The following PPP1R14C variants were observed in gnomAD, a reference collection of about 807,000 sequenced individuals.
PPP1R14C encodes protein phosphatase 1 regulatory subunit 14C.
A neutral mutation model predicts 20.4 loss-of-function variants in PPP1R14C; 16 were observed. The observed-to-expected ratio is 0.78, with a 90% CI of 0.53 to 1.19. The LOEUF (loss-of-function observed/expected upper bound fraction) is 1.19. PPP1R14C is among the 50% of genes most tolerant of loss of function. The pLI, the probability that PPP1R14C is intolerant of heterozygous loss-of-function variation, is 0.00. For missense variants in PPP1R14C, 211 were observed against 220.1 expected (o/e 0.96, Z 0.26); for synonymous variants, 91 against 91.0 (o/e 1.00, Z 0.00).
In PPP1R14C at chr6:150,143,335, C is replaced by T; in HGVS notation, c.143C>T (p.Ala48Val). The change falls in exon 1 of 4, where the codon GCG becomes GTG. Residue 48 changes from alanine (A) to valine (V), a missense_variant. Ala to Val is a moderately conservative substitution (Grantham distance 64). Coordinates refer to ENST00000361131, the MANE Select transcript of PPP1R14C (RefSeq NM_030949.3). The surrounding 1 kb of genome is among the most constrained non-coding windows in gnomAD (Gnocchi z 5.6). ...SGSGSSREDSAPVATAAAAGQ... is the reference protein window; with the variant it reads ...SGSGSSREDSVPVATAAAAGQ... ...TCAGGCTCCTCCCGGGAGGACTCGG[C>T]GCCCGTGGCCACGGCGGCCGCTGCA... 6.2e-7 allele frequency: 1 copy of T among 1,603,322 alleles called. No homozygotes were observed. Among genetic ancestry groups the T allele is most frequent in the Non-Finnish European group, 8.5e-7 (1 of 1,176,380 alleles).
Position 150,143,083 on chromosome 6 carries a change from G to T in PPP1R14C, c.-110G>T. On this transcript the variant is annotated 5_prime_UTR_variant, in exon 1 of 4. Coordinates refer to ENST00000361131, the MANE Select transcript of PPP1R14C (RefSeq NM_030949.3). The surrounding 1 kb of genome is among the most constrained non-coding windows in gnomAD (Gnocchi z 5.6). Reference sequence around the variant, plus strand: ...GCTGGGCGCGCGCGGCGCAGAGCAGGTGCCGGGGAGCCCTTCGCATGCGGC... The same window carrying T: ...GCTGGGCGCGCGCGGCGCAGAGCAGTTGCCGGGGAGCCCTTCGCATGCGGC... The T allele has an allele frequency of 9.0e-7, 1 of 1,114,002 alleles. No individual in the cohort carries two copies. The highest frequency in any genetic ancestry group is 1.1e-6 in the Non-Finnish European group (1 of 917,548). The allele number at this position is 1,114,002 out of a possible 1,614,324, so 69.0% of individuals were successfully genotyped here.
intron 3 of PPP1R14C, among the ~76,000 whole-genome samples, chr6:150,219,353 T>C (rs1778138997): frequency 6.6e-6 from 1 of 152,012 alleles, no homozygotes; most frequent in Non-Finnish European, 1.5e-5. Flanking sequence ...TTCAGCCTCC[T>C]GAGTAGCTGG....
chr6:150,240,818 A>G (rs1778423500), intron 3 of PPP1R14C, among the ~76,000 whole-genome samples: 1 of 152,170 alleles, frequency 6.6e-6, no homozygotes, highest in African/African-American at 2.4e-5. Context: ...TCCAGACCCT[A>G]TTCTCCTGCC....
At position 150,248,855 on chromosome 6, in the gene PPP1R14C, G is replaced by C; in HGVS notation, c.*35G>C. ...AGGGTGAAACTCTCCCAGAGACGAA[G>C]AAAGAGTCCTGGGATTTGTACTTCA... On this transcript the variant is annotated 3_prime_UTR_variant, in exon 4 of 4. Coordinates refer to ENST00000361131, the MANE Select transcript of PPP1R14C (RefSeq NM_030949.3). 7.1e-7 allele frequency: 1 copy of C among 1,408,342 alleles called. No homozygotes were observed. The highest frequency in any genetic ancestry group is 2.3e-5 in the East Asian group (1 of 43,810). 87.2% of individuals were successfully genotyped at this position (1,408,342 alleles called of 1,614,324 possible). A position where few individuals can be genotyped will look rare whatever the true frequency, so the allele number is the denominator to read the frequency against.
intron 1 of PPP1R14C, among the ~76,000 whole-genome samples, chr6:150,211,296 G>A (rs1036671053): frequency 3.0e-4 from 45 of 152,334 alleles, no homozygotes; most frequent in African/African-American, 8.9e-4. Flanking sequence ...ACAAATGTAC[G>A]ACAAGAAAGA....
chr6:150,236,410 C>A (rs1190730313), intron 3 of PPP1R14C, among the ~76,000 whole-genome samples: 1 of 152,088 alleles, frequency 6.6e-6, no homozygotes, highest in African/African-American at 2.4e-5. Context: ...AAGGTCCATG[C>A]GGTGCATTCT....
chr6:150,231,083 G>A (rs1039507965), intron 3 of PPP1R14C, among the ~76,000 whole-genome samples: 1 of 152,210 alleles, frequency 6.6e-6, no homozygotes, highest in African/African-American at 2.4e-5. Flanking sequence ...AGGGCGCAGA[G>A]CTCAGAGTAG....
intron 1 of PPP1R14C, among the ~76,000 whole-genome samples, chr6:150,175,077 G>A (rs535725547): frequency 3.3e-5 from 5 of 152,030 alleles, no homozygotes; most frequent in South Asian, 2.1e-4. Flanking sequence ...CATTTAATCC[G>A]TGTTGACCAA....
At chr6:150,236,613 C>CTGTG (rs142109127) in intron 3 of PPP1R14C, among the ~76,000 whole-genome samples, 22,723 of 144,322 alleles carry the variant, frequency 0.16, 1,828 homozygotes, top group East Asian at 0.23. Flanking sequence ...GTTGGTGCCA[C>CTGTG]TGTGTGTGTG....
intron 1 of PPP1R14C, among the ~76,000 whole-genome samples, chr6:150,155,795 C>T (rs1478653587): frequency 2.0e-5 from 3 of 151,766 alleles, no homozygotes; most frequent in Non-Finnish European, 2.9e-5. Context: ...GAGGCTGAGG[C>T]GGGTGGATCA....
At chr6:150,160,271 T>A (rs1201835833) in intron 1 of PPP1R14C, among the ~76,000 whole-genome samples, 1 of 96,654 alleles carries the variant, frequency 1.0e-5, no homozygotes, top group African/African-American at 3.6e-5. Flanking sequence ...TTTTTTTTTT[T>A]TTTTTTTTTT....
At chr6:150,151,255 G>A (rs748432000) in intron 1 of PPP1R14C, among the ~76,000 whole-genome samples, 4 of 152,132 alleles carry the variant, frequency 2.6e-5, no homozygotes, top group Non-Finnish European at 5.9e-5. Flanking sequence ...GTCTGAAAAT[G>A]AGTTTCTCAT....
At chr6:150,241,773 G>A (rs1778433650) in intron 3 of PPP1R14C, among the ~76,000 whole-genome samples, 1 of 152,164 alleles carries the variant, frequency 6.6e-6, no homozygotes, top group African/African-American at 2.4e-5. Context: ...TGTAATCCCA[G>A]CTACTTAGGA....
In PPP1R14C at chr6:150,143,616, T is replaced by C; in HGVS notation, c.306+118T>C. ...ATGTCCCTGACTCCCGGGGACCAAG[T>C]GCCAGGAGCGAGGCGCGGCGCCTTC... On this transcript the variant is annotated intron_variant, in intron 1 of 3. Transcript: ENST00000361131. The surrounding 1 kb of genome is among the most constrained non-coding windows in gnomAD (Gnocchi z 5.6). 5.4e-6 allele frequency: 4 copies of C among 741,636 alleles called. No homozygotes were observed. Among genetic ancestry groups the C allele is most frequent in the Non-Finnish European group, 8.5e-6 (4 of 471,560 alleles). 45.9% of individuals were successfully genotyped at this position (741,636 alleles called of 1,614,324 possible).
chr6:150,208,688 T>C (rs1167032880), intron 1 of PPP1R14C, among the ~76,000 whole-genome samples: 2 of 152,220 alleles, frequency 1.3e-5, no homozygotes, highest in Non-Finnish European at 2.9e-5. Context: ...TCTCTCAGTG[T>C]CCTTTGAGTG....
At position 150,156,776 on chromosome 6, in the gene PPP1R14C, A is replaced by G. The variant is rs77365613; in HGVS notation, c.306+13278A>G. On this transcript the variant is annotated intron_variant, in intron 1 of 3. Transcript: ENST00000361131. ...TTAAAACTAAAAAACAACACGTACT[A>G]TCTCTGTTAGACAAGTGCCTTTTGT... Among the ~76,000 whole-genome samples the G allele has an allele frequency of 4.9e-3, 754 of 152,364 alleles. 4 individuals are homozygous for G. The highest frequency in any genetic ancestry group is 0.014 in the Middle Eastern group (4 of 294).
At chr6:150,148,402 A>G (rs1777202661) in intron 1 of PPP1R14C, among the ~76,000 whole-genome samples, 1 of 152,244 alleles carries the variant, frequency 6.6e-6, no homozygotes, top group Non-Finnish European at 1.5e-5. Context: ...GAGACAGGGC[A>G]GAGCCTGGCA....
Position 150,144,709 on chromosome 6 carries a change from T to C in PPP1R14C, c.306+1211T>C, listed in dbSNP as rs556487786. On this transcript the variant is annotated intron_variant, in intron 1 of 3. Transcript: ENST00000361131. ...ACCCTCATTGCACAAGAAAACAGCA[T>C]ACTCGTTACTGACTACTGATAAATG... is the stretch of plus-strand genomic sequence containing the variant. Among the ~76,000 whole-genome samples the C allele has an allele frequency of 3.3e-5, 5 of 152,362 alleles. No individual in the cohort carries two copies. In the East Asian group the frequency reaches 9.6e-4, roughly 29 times the overall value.
rs1330947003 is a variant in PPP1R14C at position 150,248,772 on chromosome 6, G to C, written c.450G>C (p.Arg150=). 1.2e-6 allele frequency: 2 copies of C among 1,613,092 alleles called. No homozygotes were observed. The highest frequency in any genetic ancestry group is 2.7e-5 in the African/African-American group (2 of 74,964). ...AATTTATCAAAGAGCTGCTTTCTCG[G>C]ATAAGAGGCATGAGGAAACTGAGCC... ...TEEFIKELLS[R]IRGMRKLSPP... Residue 150 remains arginine, a synonymous_variant, in exon 4 of 4, where the codon CGG becomes CGC. Coordinates refer to ENST00000361131, the MANE Select transcript of PPP1R14C (RefSeq NM_030949.3).
Sources: gnomAD v4.1 joint callset for allele counts (sites outside exome capture counted in the v4.1 genomes callset) on GRCh38, gnomAD v4.1.1 for gene constraint, Gnocchi (gnomAD v3.1) non-coding constraint, MANE v1.5 for transcripts, NCBI Gene and HGNC (gene_info 2026-07-23, HGNC 2026-07-21) for gene names.